Variants in TNFSF4 observed in about 807,000 individuals in gnomAD.
The protein encoded by TNFSF4 is TNF superfamily member 4, also known as tumor necrosis factor ligand superfamily member 4.
TNFSF4 carries 4 observed loss-of-function variants against 7.3 expected under a neutral mutation model. The ratio of observed to expected loss-of-function variants is 0.55; its 90% confidence interval spans 0.27 to 1.25. The LOEUF (loss-of-function observed/expected upper bound fraction) is 1.25. TNFSF4 is among the 50% of genes most tolerant of loss of function. TNFSF4 has a pLI of 0.12. For synonymous variants in TNFSF4, 76 were observed against 83.7 expected (o/e 0.91, Z 0.50); for missense variants, 181 against 208.8 (o/e 0.87, Z 0.82).
chr1:173,390,387 C>G, the TNFSF4 span, among the ~76,000 whole-genome samples: 1 of 152,172 alleles, frequency 6.6e-6, no homozygotes, highest in Admixed American at 6.5e-5. Context: ...TACAACCTTT[C>G]CAAGTTTTCA....
the TNFSF4 span, among the ~76,000 whole-genome samples, chr1:173,422,326 G>A: frequency 2.9e-4 from 26 of 89,056 alleles, no homozygotes; most frequent in East Asian, 7.0e-4. Context: ...TGCCCAGAGT[G>A]AAAAAAAAAA....
chr1:173,207,385 G>A (rs1347923067), upstream of TNFSF4: 2 of 425,330 alleles, frequency 4.7e-6, no homozygotes, highest in East Asian at 3.5e-5. Flanking sequence ...GCAGGCAGGC[G>A]GGGGAACTTC....
the TNFSF4 span, among the ~76,000 whole-genome samples, chr1:173,229,388 A>G: frequency 1.3e-5 from 2 of 152,216 alleles, no homozygotes; most frequent in Non-Finnish European, 2.9e-5. Flanking sequence ...GTGCTGAGAG[A>G]TTTTGTCAGA....
chr1:173,352,890 C>T, the TNFSF4 span, among the ~76,000 whole-genome samples: 9 of 152,142 alleles, frequency 5.9e-5, no homozygotes, highest in African/African-American at 2.2e-4. Flanking sequence ...CCTGGGAATG[C>T]ATTCTTTTCC....
intron 1 of TNFSF4, among the ~76,000 whole-genome samples, chr1:173,204,439 A>G (rs1193753086): frequency 6.6e-6 from 1 of 152,202 alleles, no homozygotes; most frequent in Non-Finnish European, 1.5e-5. Context: ...ATGAGAAAAC[A>G]GAGGCTACTA....
the TNFSF4 span, among the ~76,000 whole-genome samples, chr1:173,284,966 T>C: frequency 6.6e-6 from 1 of 152,216 alleles, no homozygotes; most frequent in Non-Finnish European, 1.5e-5. Flanking sequence ...TTTCAAGTTC[T>C]ATTAAAGAAA....
chr1:173,423,607 G>A, the TNFSF4 span, among the ~76,000 whole-genome samples: 1 of 152,236 alleles, frequency 6.6e-6, no homozygotes, highest in Non-Finnish European at 1.5e-5. Flanking sequence ...TAGGCTTTGA[G>A]CCAGGTCTTG....
chr1:173,442,977 G>C, the TNFSF4 span, among the ~76,000 whole-genome samples: 7 of 152,130 alleles, frequency 4.6e-5, no homozygotes, highest in Non-Finnish European at 7.3e-5. Context: ...TAGCCACCAT[G>C]CCAGGCCACT....
chr1:173,223,219 T>G, the TNFSF4 span, among the ~76,000 whole-genome samples: 42 of 151,296 alleles, frequency 2.8e-4, no homozygotes, highest in Non-Finnish European at 5.8e-4. Context: ...AGGGTTGCTG[T>G]GAGAGGATGA....
At chr1:173,295,741 C>A in the TNFSF4 span, among the ~76,000 whole-genome samples, 3 of 151,986 alleles carry the variant, frequency 2.0e-5, no homozygotes, top group Non-Finnish European at 2.9e-5. Flanking sequence ...TTAAAATGAG[C>A]TATCTATTTG....
At chr1:173,431,308 C>T in the TNFSF4 span, among the ~76,000 whole-genome samples, 1 of 152,242 alleles carries the variant, frequency 6.6e-6, no homozygotes, top group East Asian at 1.9e-4. Context: ...TATGGTGGTT[C>T]CTTCCTGATG....
chr1:173,387,572 A>C, the TNFSF4 span, among the ~76,000 whole-genome samples: 2 of 152,190 alleles, frequency 1.3e-5, no homozygotes, highest in Non-Finnish European at 2.9e-5. Flanking sequence ...ATGTTTTTGA[A>C]AGACAGGTTG....
chr1:173,230,482 G>A, the TNFSF4 span, among the ~76,000 whole-genome samples: 1 of 152,184 alleles, frequency 6.6e-6, no homozygotes, highest in Non-Finnish European at 1.5e-5. Flanking sequence ...AAGCAGGAAA[G>A]ATCTAAAATT....
upstream of TNFSF4, among the ~76,000 whole-genome samples, chr1:173,210,678 CT>C (rs1262698430): frequency 6.6e-6 from 1 of 152,158 alleles, no homozygotes; most frequent in African/African-American, 2.4e-5. Flanking sequence ...AAAAAAATCA[CT>C]CTGACTGAGG....
the TNFSF4 span, among the ~76,000 whole-genome samples, chr1:173,438,840 A>G: frequency 6.6e-6 from 1 of 152,260 alleles, no homozygotes; most frequent in East Asian, 1.9e-4. Context: ...GTCCAAGGTC[A>G]TCTGCCTCCA....
At chr1:173,316,615 T>A in the TNFSF4 span, among the ~76,000 whole-genome samples, 2 of 152,120 alleles carry the variant, frequency 1.3e-5, no homozygotes, top group Non-Finnish European at 2.9e-5. Context: ...TCTCAAACCA[T>A]CTGTGGTGAA....
At chr1:173,234,807 G>A in the TNFSF4 span, among the ~76,000 whole-genome samples, 2 of 152,152 alleles carry the variant, frequency 1.3e-5, no homozygotes, top group Admixed American at 6.5e-5. Context: ...GGTGGAGGGA[G>A]TGGGGAGGGA....
chr1:173,405,735 A>C, the TNFSF4 span, among the ~76,000 whole-genome samples: 1 of 152,250 alleles, frequency 6.6e-6, no homozygotes, highest in Non-Finnish European at 1.5e-5. Context: ...TTACATAAAA[A>C]GAGTAGATGG....
the TNFSF4 span, among the ~76,000 whole-genome samples, chr1:173,241,311 T>C: frequency 9.1e-3 from 1,383 of 152,320 alleles, 22 homozygotes; most frequent in African/African-American, 0.032. Context: ...ATTTCAATAA[T>C]GTTACTGGAA....
Sources: gnomAD v4.1 joint callset for allele counts (sites outside exome capture counted in the v4.1 genomes callset) on GRCh38, gnomAD v4.1.1 for gene constraint, MANE v1.5 for transcripts, NCBI Gene and HGNC (gene_info 2026-07-23, HGNC 2026-07-21) for gene names.